GALNTL5: variants seen among roughly 807,000 people sequenced by gnomAD.
The protein encoded by GALNTL5 is polypeptide N-acetylgalactosaminyltransferase like 5, also known as inactive polypeptide N-acetylgalactosaminyltransferase-like protein 5.
A neutral mutation model predicts 51.0 loss-of-function variants in GALNTL5; 44 were observed. The ratio of observed to expected loss-of-function variants is 0.86; its 90% CI spans 0.68 to 1.11. GALNTL5 has a LOEUF of 1.11. Among genes scored for constraint, GALNTL5 ranks in the 50% least tolerant of loss-of-function variants. GALNTL5 has a pLI of 0.00. For missense variants in GALNTL5, 528 were observed against 531.8 expected (o/e 0.99, Z 0.07); for synonymous variants, 192 against 182.8 (o/e 1.05, Z -0.41).
At chr7:151,966,894 G>A (rs1390600355) in intron 1 of GALNTL5, among the ~76,000 whole-genome samples, 1 of 152,156 alleles carries the variant, frequency 6.6e-6, no homozygotes, top group Admixed American at 6.5e-5. Context: ...ATCACTCCAA[G>A]GTAGACTGGA....
intron 6 of GALNTL5, among the ~76,000 whole-genome samples, chr7:152,003,771 A>G (rs971532477): frequency 3.9e-5 from 6 of 152,254 alleles, no homozygotes; most frequent in African/African-American, 9.6e-5. Context: ...AGAAATAGCT[A>G]TGGTGTTCCA....
intron 6 of GALNTL5, among the ~76,000 whole-genome samples, chr7:152,005,350 C>T (rs1285153036): frequency 1.3e-5 from 2 of 152,196 alleles, no homozygotes; most frequent in Non-Finnish European, 2.9e-5. Context: ...CCCCCAGCCA[C>T]CTGCCCTTTT....
intron 5 of GALNTL5, among the ~76,000 whole-genome samples, chr7:152,000,185 T>C (rs1420005281): frequency 6.6e-6 from 1 of 152,234 alleles, no homozygotes; most frequent in African/African-American, 2.4e-5. Flanking sequence ...TTAGTAGCTG[T>C]ATTTATGGCA....
intron 6 of GALNTL5, among the ~76,000 whole-genome samples, chr7:152,004,505 T>C (rs753628239): frequency 2.0e-5 from 3 of 152,196 alleles, no homozygotes; most frequent in Non-Finnish European, 2.9e-5. Context: ...TTTTGTTATA[T>C]GGCTATATTG....
At chr7:152,000,542 G>A (rs2081561625) in intron 5 of GALNTL5, among the ~76,000 whole-genome samples, 1 of 152,090 alleles carries the variant, frequency 6.6e-6, no homozygotes, top group East Asian at 1.9e-4. Flanking sequence ...CAACAGCACT[G>A]GACAAGTGTT....
intron 2 of GALNTL5, among the ~76,000 whole-genome samples, chr7:151,969,706 A>T (rs1399671947): frequency 6.6e-6 from 1 of 151,956 alleles, no homozygotes; most frequent in East Asian, 1.9e-4. Context: ...CTCTCTCAGG[A>T]CTCTTCAAAC....
At chr7:152,008,421 T>C (rs1446627972) in intron 7 of GALNTL5, among the ~76,000 whole-genome samples, 1 of 151,808 alleles carries the variant, frequency 6.6e-6, no homozygotes, top group Non-Finnish European at 1.5e-5. Flanking sequence ...AATTTAAAAA[T>C]ATTTGGTTCT....
rs781143077 is a variant in GALNTL5, at chr7:152,014,654, G to T, written c.1037G>T (p.Cys346Phe). 3.1e-6 allele frequency: 5 copies of T among 1,605,900 alleles called. No homozygotes were observed. The highest frequency in any genetic ancestry group is 4.2e-6 in the Non-Finnish European group (5 of 1,177,376). Residue 346 changes from cysteine to phenylalanine, a missense_variant, in exon 8 of 9, where the codon TGT becomes TTT. By Grantham distance (205) the Cys-to-Phe change is radical. Transcript: ENST00000392800. ...TCTTCTTATGCCTAGATCTGGATGT[G>T]TGGAGGCCAACTCTTTATAATCCCC... is the stretch of plus-strand genomic sequence containing the variant. The part of the protein sequence containing the change: ...NLELSLRIWM[C>F]GGQLFIIPCS...
At chr7:152,010,979 G>A (rs1034930846) in intron 7 of GALNTL5, among the ~76,000 whole-genome samples, 1 of 152,038 alleles carries the variant, frequency 6.6e-6, no homozygotes, top group Non-Finnish European at 1.5e-5. Flanking sequence ...AAATCTTACA[G>A]ATATTAACTC....
intron 1 of GALNTL5, among the ~76,000 whole-genome samples, chr7:151,958,524 AG>A (rs1441211012): frequency 1.3e-5 from 2 of 151,866 alleles, no homozygotes; most frequent in African/African-American, 4.8e-5. Flanking sequence ...GGGGTTGGGG[AG>A]GGGGGTGTGT....
chr7:151,987,939 A>G (rs1420492135), intron 5 of GALNTL5, among the ~76,000 whole-genome samples: 1 of 152,214 alleles, frequency 6.6e-6, no homozygotes, highest in Non-Finnish European at 1.5e-5. Context: ...CCACCCTCAC[A>G]CTGTGCTTGG....
intron 7 of GALNTL5, among the ~76,000 whole-genome samples, chr7:152,012,979 T>C (rs892601822): frequency 3.9e-5 from 6 of 151,914 alleles, no homozygotes; most frequent in African/African-American, 1.5e-4. Flanking sequence ...ATAAAGAAAA[T>C]GTGGTACATA....
At chr7:151,999,806 T>C (rs1363580481) in intron 5 of GALNTL5, among the ~76,000 whole-genome samples, 1 of 152,222 alleles carries the variant, frequency 6.6e-6, no homozygotes, top group Non-Finnish European at 1.5e-5. Context: ...AACATATGTG[T>C]TAAAAATGGG....
intron 2 of GALNTL5, 114 bp from the exon 3 acceptor site, chr7:151,970,831 C>T (rs990200576): frequency 1.1e-5 from 9 of 852,238 alleles, no homozygotes; most frequent in East Asian, 2.9e-5. Flanking sequence ...GATCGATTTC[C>T]GAATTCTATT....
chr7:152,008,383 T>C (rs1278323477), intron 7 of GALNTL5, among the ~76,000 whole-genome samples: 1 of 151,840 alleles, frequency 6.6e-6, no homozygotes, highest in Non-Finnish European at 1.5e-5. Flanking sequence ...GCCTAGACTC[T>C]ACTTCTTAAA....
intron 2 of GALNTL5, 120 bp from the exon 3 acceptor site, chr7:151,970,825 G>A (rs1044835248): frequency 2.2e-5 from 17 of 783,166 alleles, no homozygotes; most frequent in Admixed American, 1.5e-4. Context: ...TGCACAGATC[G>A]ATTTCCGAAT....
At chr7:152,010,093 A>C (rs1434082760) in intron 7 of GALNTL5, among the ~76,000 whole-genome samples, 1 of 152,064 alleles carries the variant, frequency 6.6e-6, no homozygotes, top group East Asian at 1.9e-4. Context: ...GCTAAAATAC[A>C]GTGGCACACA....
In GALNTL5 at chr7:151,967,392, GA is replaced by G. The variant is rs746301883; in HGVS notation, c.153del (p.Val52CysfsTer17). The G allele has an allele frequency of 6.2e-7, 1 of 1,613,930 alleles. No homozygotes were observed. On this transcript the variant is annotated frameshift_variant, in exon 2 of 9. Transcript: ENST00000392800. LOFTEE classifies it high-confidence loss of function. ...GAGCCTCTGTCAGCTTGGTCCCCTG[GA>G]AAAAAAGTGCATCAGCAAATTATCT... Reference protein sequence around the residue: ...SQEPLSAWSPGKKVHQQIIYG... With the variant: ...SQEPLSAWSPXKKVHQQIIYG...
At chr7:152,006,450 A>T (rs1283944464) in intron 6 of GALNTL5, among the ~76,000 whole-genome samples, 5 of 152,194 alleles carry the variant, frequency 3.3e-5, no homozygotes, top group South Asian at 2.1e-4. Flanking sequence ...CTGGATTCTG[A>T]TAGGAATGTT....
Sources: allele counts gnomAD v4.1 joint callset (sites outside exome capture counted in the v4.1 genomes callset), GRCh38; gene constraint gnomAD v4.1.1; transcripts MANE v1.5; gene names NCBI Gene and HGNC (gene_info 2026-07-23, HGNC 2026-07-21).